The following NACC2 variants were observed in gnomAD, a reference collection of about 807,000 sequenced individuals.
NACC2 encodes NACC family member 2.
Under a neutral mutation model 25.1 loss-of-function variants are expected in NACC2, and 8 were observed. That is an observed-to-expected ratio of 0.32 (90% CI 0.19 to 0.57). The LOEUF (loss-of-function observed/expected upper bound fraction) is 0.57. Ranked by LOEUF, NACC2 falls within the 20% of genes least tolerant of loss-of-function variation. The pLI, the probability that NACC2 is intolerant of heterozygous loss-of-function variation, is 0.89. For synonymous variants in NACC2, 435 were observed against 294.7 expected (o/e 1.48, Z -4.88); for missense variants, 644 against 650.2 (o/e 0.99, Z 0.10).
intron 1 of NACC2, among the ~76,000 whole-genome samples, chr9:136,078,212 C>T (rs968020624): frequency 1.3e-5 from 2 of 152,198 alleles, no homozygotes; most frequent in Non-Finnish European, 2.9e-5. Flanking sequence ...GCATACCCAC[C>T]ACCTGGCAGG....
intron 2 of NACC2, among the ~76,000 whole-genome samples, chr9:136,049,182 T>C (rs1840775397): frequency 6.6e-6 from 1 of 152,194 alleles, no homozygotes; most frequent in South Asian, 2.1e-4. Context: ...ACTGGGCGCT[T>C]CCTGGCCCAT....
At chr9:136,092,826 T>C (rs1472079529) in intron 1 of NACC2, among the ~76,000 whole-genome samples, 2 of 152,170 alleles carry the variant, frequency 1.3e-5, no homozygotes, top group Non-Finnish European at 2.9e-5. Flanking sequence ...GCTGCCCCCC[T>C]GTGGACTCCG....
intron 1 of NACC2, among the ~76,000 whole-genome samples, chr9:136,091,842 A>AG (rs397819370): frequency 1.2e-4 from 18 of 151,524 alleles, no homozygotes; most frequent in Non-Finnish European, 2.4e-4. Context: ...TAAAAAAAAA[A>AG]CCAACAACAA....
In NACC2 at chr9:136,050,330, C is replaced by T. The variant is rs1320885643; in HGVS notation, c.192G>A (p.Lys64=). 5 of 740,584 alleles carry T rather than the reference C, an allele frequency of 6.8e-6. No individual in the cohort carries two copies. The highest frequency in any genetic ancestry group is 1.2e-5 in the Non-Finnish European group (5 of 403,310). 45.9% of individuals were successfully genotyped at this position (740,584 alleles called of 1,614,324 possible). A position where few individuals can be genotyped will look rare whatever the true frequency, so the allele number is the denominator to read the frequency against. The change falls in exon 2 of 6, where the codon AAG becomes AAA. Residue 64 remains lysine (K), a synonymous_variant. Coordinates refer to ENST00000277554, the MANE Select transcript of NACC2 (RefSeq NM_144653.5). ...YFRDLFSGNS[K]SAFELPGSVP... ...CGGAGCCGGGCAGCTCGAAGGCGCT[C>T]TTGCTGTTGCCGCTGAACAGGTCGC...
intron 1 of NACC2, among the ~76,000 whole-genome samples, chr9:136,081,484 C>T (rs139782132): frequency 1.2e-3 from 189 of 152,368 alleles, no homozygotes; most frequent in Admixed American, 2.2e-3. Flanking sequence ...AAGGCGGTGC[C>T]GGGCGTCCGC....
chr9:136,047,016 C>T (rs960221232), intron 2 of NACC2, among the ~76,000 whole-genome samples: 8 of 152,310 alleles, frequency 5.3e-5, no homozygotes, highest in East Asian at 1.9e-4. Context: ...CCTCGGCAAT[C>T]GCTCAGGCCC....
At chr9:136,028,641 G>A (rs1019855157) in intron 2 of NACC2, among the ~76,000 whole-genome samples, 1 of 152,178 alleles carries the variant, frequency 6.6e-6, no homozygotes, top group Admixed American at 6.5e-5. Context: ...TAGAAATCTT[G>A]CCCGCTTCCA....
chr9:136,064,813 C>T (rs1490029329), intron 1 of NACC2, among the ~76,000 whole-genome samples: 1 of 152,174 alleles, frequency 6.6e-6, no homozygotes, highest in Non-Finnish European at 1.5e-5. Flanking sequence ...TTCCCAATTT[C>T]TGCTATAAAG....
At chr9:136,058,010 G>A (rs1047774430) in intron 1 of NACC2, among the ~76,000 whole-genome samples, 8 of 152,172 alleles carry the variant, frequency 5.3e-5, no homozygotes, top group African/African-American at 1.9e-4. Context: ...ATAGTGAGGC[G>A]AGGTAAGACA....
In NACC2 at chr9:136,011,564, C is replaced by T. The variant is rs1407054051; in HGVS notation, c.1716G>A (p.Pro572=). ...GGGGPSRPQT[P]AAAARRPEGT... The stretch of plus-strand genomic sequence containing the variant: ...CCTCCGGCCTCCGGGCCGCGGCCGC[C>T]GGCGTCTGGGGCCTGCTGGGGCCGC... The change falls in exon 6 of 6, where the codon CCG becomes CCA. Residue 572 remains proline, a synonymous_variant. Transcript: ENST00000277554. 15 of 1,408,226 alleles carry T rather than the reference C, an allele frequency of 1.1e-5. No homozygotes were observed. Among genetic ancestry groups the T allele is most frequent in the South Asian group, 1.7e-5 (1 of 59,936 alleles). The allele number at this position is 1,408,226 out of a possible 1,614,324, so 87.2% of individuals were successfully genotyped here.
rs1320858051 is a variant in NACC2, at chr9:136,050,528, C to T, written c.-7G>A. ...TGTGCAGCATCTGAGACATGGCGGG[C>T]GGGCAGCGGCGGGGCTGGGCTCTCA... On this transcript the variant is annotated 5_prime_UTR_variant, in exon 2 of 6. Coordinates refer to ENST00000277554, the MANE Select transcript of NACC2 (RefSeq NM_144653.5). 9 of 757,282 alleles carry T rather than the reference C, an allele frequency of 1.2e-5. No individual in the cohort carries two copies. The highest frequency in any genetic ancestry group is 5.1e-5 in the African/African-American group (3 of 58,824). The allele number at this position is 757,282 out of a possible 1,614,324, so 46.9% of individuals were successfully genotyped here.
intron 1 of NACC2, among the ~76,000 whole-genome samples, chr9:136,057,437 A>G (rs909240554): frequency 2.0e-5 from 3 of 152,208 alleles, no homozygotes; most frequent in Admixed American, 1.3e-4. Context: ...GCCCCACCCC[A>G]GCCAGCAGAC....
intron 2 of NACC2, among the ~76,000 whole-genome samples, chr9:136,042,542 C>T (rs1042247216): frequency 6.6e-6 from 1 of 152,188 alleles, no homozygotes; most frequent in Non-Finnish European, 1.5e-5. Context: ...AACCTTCCCA[C>T]TACCTGACCC....
chr9:136,061,257 A>G (rs1232055879), intron 1 of NACC2, among the ~76,000 whole-genome samples: 1 of 152,108 alleles, frequency 6.6e-6, no homozygotes, highest in Non-Finnish European at 1.5e-5. Flanking sequence ...CCCCAGCTGG[A>G]GTGGTCACCA....
At chr9:136,094,714 G>C (rs1447851273) in intron 1 of NACC2, among the ~76,000 whole-genome samples, 1 of 151,966 alleles carries the variant, frequency 6.6e-6, no homozygotes, top group Non-Finnish European at 1.5e-5. Flanking sequence ...GGGCCAGGCA[G>C]CTGCGCAGAT....
intron 3 of NACC2, 51 bp from the exon 4 acceptor site, chr9:136,014,020 T>C (rs769538445): frequency 3.4e-6 from 3 of 869,706 alleles, no homozygotes; most frequent in Non-Finnish European, 1.7e-6. Context: ...GGCCATAGGG[T>C]CCGAAGAGGC....
At chr9:136,025,139 T>C (rs1270650365) in intron 2 of NACC2, among the ~76,000 whole-genome samples, 1 of 152,200 alleles carries the variant, frequency 6.6e-6, no homozygotes, top group Non-Finnish European at 1.5e-5. Context: ...AACACCAGGC[T>C]TTCAGCTGAG....
rs986911041 is a variant in NACC2, at chr9:136,013,417, T to G, written c.1158-121A>C. ...TGGCCTCACCCTTGGCTGGTCTGCG[T>G]GTGTCCCAGTGGCAGGAGCCGGCCC... On this transcript the variant is annotated intron_variant, in intron 4 of 5. Transcript: ENST00000277554. The surrounding 1 kb of genome is among the most constrained non-coding windows in gnomAD (Gnocchi z 6.6). The G allele has an allele frequency of 1.2e-6, 1 of 812,586 alleles. No homozygotes were observed. The allele number at this position is 812,586 out of a possible 1,614,324, so 50.3% of individuals were successfully genotyped here. A position where few individuals can be genotyped will look rare whatever the true frequency, so the allele number is the denominator to read the frequency against.
rs370069995 is a variant in NACC2, at chr9:136,011,828, C to T, written c.1452G>A (p.Pro484=). The T allele has an allele frequency of 1.5e-5, 23 of 1,565,590 alleles. No individual in the cohort carries two copies. Among genetic ancestry groups the T allele is most frequent in the African/African-American group, 1.2e-4 (9 of 73,606 alleles). Residue 484 remains proline (P), a synonymous_variant, in exon 6 of 6, where the codon CCG becomes CCA. Transcript: ENST00000277554. ...GCTCGAACACCTGTGCCGCGGCAGG[C>T]GGGAACTCGGGGTCGAGGGGCACGC... The part of the protein sequence containing the change: ...AASVPLDPEF[P]PAAAQVFEQR...
Sources: gnomAD v4.1 joint callset for allele counts (sites outside exome capture counted in the v4.1 genomes callset) on GRCh38, gnomAD v4.1.1 for gene constraint, Gnocchi (gnomAD v3.1) non-coding constraint, MANE v1.5 for transcripts, NCBI Gene and HGNC (gene_info 2026-07-23, HGNC 2026-07-21) for gene names.